Variants in SLC27A6 observed in about 807,000 individuals in gnomAD.
SLC27A6 encodes the protein solute carrier family 27 member 6, also known as long-chain fatty acid transport protein 6.
In SLC27A6, 74 loss-of-function variants were observed where a neutral mutation model predicts 63.9. That is an observed-to-expected ratio of 1.16 (90% CI 0.96 to 1.40). SLC27A6 has a LOEUF of 1.40. SLC27A6 is among the 40% of genes most tolerant of loss of function. The pLI, the probability that SLC27A6 is intolerant of heterozygous loss-of-function variation, is 0.00. For synonymous variants in SLC27A6, 287 were observed against 260.8 expected, an observed-to-expected ratio of 1.10 and a Z score of -0.97; for missense variants, 794 against 732.9, an observed-to-expected ratio of 1.08 and a Z score of -0.96.
In SLC27A6 at chr5:128,985,142, G is replaced by A. The variant is rs1287015708; in HGVS notation, c.491G>A (p.Gly164Glu). 1 of 1,613,184 alleles carries A rather than the reference G, an allele frequency of 6.2e-7. No homozygotes were observed. Among genetic ancestry groups the A allele is most frequent in the Middle Eastern group, 1.8e-4 (1 of 5,708 alleles). The change falls in exon 2 of 10, where the codon GGA becomes GAA. Residue 164 changes from glycine to glutamate, a missense_variant. By Grantham distance (98) the Gly-to-Glu change is moderately conservative. Transcript: ENST00000262462. The part of the protein sequence containing the change: ...RALVVGADLL[G>E]TVEEILPSLS... Reference sequence around the variant, plus strand: ...ACCCTTTGGCTTTTAGATTTGCTTGGAACGGTAGAAGAAATCCTTCCAAGC... The same window carrying A: ...ACCCTTTGGCTTTTAGATTTGCTTGAAACGGTAGAAGAAATCCTTCCAAGC...
intron 1 of SLC27A6, among the ~76,000 whole-genome samples, chr5:128,973,811 G>A (rs1397339061): frequency 2.6e-5 from 4 of 152,146 alleles, no homozygotes; most frequent in East Asian, 1.9e-4. Flanking sequence ...AGATGAATCC[G>A]GTACCTCAGT....
rs764013538 is a variant in SLC27A6, at chr5:129,023,730, A to G, written c.1255+20A>G. 1.9e-6 allele frequency: 3 copies of G among 1,546,758 alleles called. No individual in the cohort carries two copies. Among genetic ancestry groups the G allele is most frequent in the South Asian group, 1.1e-5 (1 of 88,206 alleles). On this transcript the variant is annotated intron_variant, in intron 6 of 9. Coordinates refer to ENST00000262462, the MANE Select transcript of SLC27A6 (RefSeq NM_001017372.3). ...AAAAAGGTAAGACTTCTATTTGAAG[A>G]CATCTCCTCAAGCAAAGTTTCTGAT... is the stretch of plus-strand genomic sequence containing the variant.
intron 4 of SLC27A6, among the ~76,000 whole-genome samples, chr5:128,993,951 CA>C (rs1228219742): frequency 6.6e-6 from 1 of 151,994 alleles, no homozygotes; most frequent in Admixed American, 6.6e-5. Flanking sequence ...ACTAAAAATA[CA>C]AAATTATGTT....
chr5:129,014,931 T>C (rs919224670), intron 4 of SLC27A6, among the ~76,000 whole-genome samples: 2 of 152,322 alleles, frequency 1.3e-5, no homozygotes, highest in Middle Eastern at 3.4e-3. Flanking sequence ...TTCTTGAGAA[T>C]TCGTAGATTA....
At chr5:128,998,710 T>C (rs1751239154) in intron 4 of SLC27A6, among the ~76,000 whole-genome samples, 1 of 152,188 alleles carries the variant, frequency 6.6e-6, no homozygotes, top group African/African-American at 2.4e-5. Context: ...ATTATTTCTT[T>C]GAGTATTCAT....
At chr5:128,977,894 C>T (rs1318324331) in intron 1 of SLC27A6, among the ~76,000 whole-genome samples, 3 of 152,074 alleles carry the variant, frequency 2.0e-5, no homozygotes, top group South Asian at 4.1e-4. Context: ...CAACATTGTT[C>T]TGTTTGTTTT....
intron 4 of SLC27A6, among the ~76,000 whole-genome samples, chr5:129,006,405 C>G (rs1344261516): frequency 6.7e-6 from 1 of 149,912 alleles, no homozygotes; most frequent in Non-Finnish European, 1.5e-5. Context: ...TTTTTTAAAG[C>G]TTTTTTTCTC....
At chr5:128,988,297 G>A (rs962577496) in intron 2 of SLC27A6, among the ~76,000 whole-genome samples, 4 of 152,136 alleles carry the variant, frequency 2.6e-5, no homozygotes, top group Non-Finnish European at 2.9e-5. Flanking sequence ...AACCAAATGT[G>A]TGCTACCACT....
intron 4 of SLC27A6, among the ~76,000 whole-genome samples, chr5:128,993,227 GCTT>G (rs1751038753): frequency 6.6e-6 from 1 of 152,104 alleles, no homozygotes; most frequent in Admixed American, 6.5e-5. Context: ...TTCCAGTTGT[GCTT>G]CTTGGAAAAT....
chr5:129,009,707 C>T (rs997982416), intron 4 of SLC27A6, among the ~76,000 whole-genome samples: 3 of 152,002 alleles, frequency 2.0e-5, no homozygotes, highest in African/African-American at 4.8e-5. Flanking sequence ...GCCTGTGTCA[C>T]TCTGTTGCCC....
chr5:128,986,475 G>A (rs1320899248), intron 2 of SLC27A6, among the ~76,000 whole-genome samples: 1 of 152,142 alleles, frequency 6.6e-6, no homozygotes, highest in African/African-American at 2.4e-5. Context: ...CATTTCTTGT[G>A]CATAGGTTGT....
rs1461545463 is a variant in SLC27A6 at position 128,992,333 on chromosome 5, C to T, written c.969+1869C>T. 3.3e-5 allele frequency among the ~76,000 whole-genome samples: 5 copies of T among 152,240 alleles called. No individual in the cohort carries two copies. In the East Asian group the frequency reaches 7.8e-4, roughly 24 times the overall value. ...CATGAATGGTGTGCTGGGATATCTT[C>T]TCTTCTCTTTGGCTAAAATCTGGCC... is the stretch of plus-strand genomic sequence containing the variant. On this transcript the variant is annotated intron_variant, in intron 4 of 9. Transcript: ENST00000262462.
intron 6 of SLC27A6, among the ~76,000 whole-genome samples, chr5:129,025,696 T>C (rs1752218926): frequency 6.6e-6 from 1 of 152,056 alleles, no homozygotes; most frequent in Admixed American, 6.6e-5. Context: ...ATGGTGTTGG[T>C]GATATGATGA....
In SLC27A6 at chr5:129,033,466, T is replaced by C. The variant is rs1752474611; in HGVS notation, c.*184T>C. On this transcript the variant is annotated 3_prime_UTR_variant, in exon 10 of 10. Coordinates refer to ENST00000262462, the MANE Select transcript of SLC27A6 (RefSeq NM_001017372.3). ...TTCTTTTAATTGATATAAACAGTAG[T>C]TGATTATTCTTTTTATCTATTTGGA... 1 of 317,936 alleles carries C rather than the reference T, an allele frequency of 3.1e-6. No homozygotes were observed. Among genetic ancestry groups the C allele is most frequent in the African/African-American group, 2.2e-5 (1 of 46,180 alleles). 19.7% of individuals were successfully genotyped at this position (317,936 alleles called of 1,614,324 possible).
chr5:129,000,420 G>A (rs1003961656), intron 4 of SLC27A6, among the ~76,000 whole-genome samples: 11 of 152,124 alleles, frequency 7.2e-5, no homozygotes, highest in African/African-American at 2.7e-4. Flanking sequence ...AAAGAGAGTA[G>A]CAAATAGAAC....
rs1751605348 is a variant in SLC27A6 at position 129,008,073 on chromosome 5, T to A, written c.970-7812T>A. On this transcript the variant is annotated intron_variant, in intron 4 of 9. Transcript: ENST00000262462. Reference sequence around the variant, plus strand: ...TGAGATTATATATTATTTCATTTTTTATTTTTCTGTATTCTCTAAATGTTG... The same window carrying A: ...TGAGATTATATATTATTTCATTTTTAATTTTTCTGTATTCTCTAAATGTTG... 2.0e-5 allele frequency among the ~76,000 whole-genome samples: 3 copies of A among 152,040 alleles called. No individual in the cohort carries two copies. The South Asian group carries it at 6.2e-4, about 31-fold the overall frequency.
chr5:128,995,035 G>A (rs1423936219), intron 4 of SLC27A6, among the ~76,000 whole-genome samples: 1 of 152,212 alleles, frequency 6.6e-6, no homozygotes, highest in Non-Finnish European at 1.5e-5. Flanking sequence ...CTCTTCCCCT[G>A]AGACTAGGAA....
chr5:128,997,180 T>G (rs1160677081), intron 4 of SLC27A6, among the ~76,000 whole-genome samples: 1 of 152,194 alleles, frequency 6.6e-6, no homozygotes, highest in Non-Finnish European at 1.5e-5. Flanking sequence ...TAATGTAAAC[T>G]TTAATTGTTA....
At chr5:128,999,011 C>G (rs1751248210) in intron 4 of SLC27A6, among the ~76,000 whole-genome samples, 1 of 152,124 alleles carries the variant, frequency 6.6e-6, no homozygotes, top group African/African-American at 2.4e-5. Flanking sequence ...TTATTTGCCC[C>G]TTGGAGTTGG....
Sources: allele counts gnomAD v4.1 joint callset (sites outside exome capture counted in the v4.1 genomes callset), GRCh38; gene constraint gnomAD v4.1.1; transcripts MANE v1.5; gene names NCBI Gene and HGNC (gene_info 2026-07-23, HGNC 2026-07-21).